Variants in ETHE1 observed in about 807,000 individuals in gnomAD.
ETHE1 encodes persulfide dioxygenase ETHE1, mitochondrial.
Under a neutral mutation model 25.7 loss-of-function variants are expected in ETHE1, and 16 were observed. The ratio of observed to expected loss-of-function variants is 0.62; its 90% CI spans 0.42 to 0.95. The LOEUF (loss-of-function observed/expected upper bound fraction) is 0.95, where lower values mean the gene tolerates loss of function less well. Ranked by LOEUF, ETHE1 falls within the 40% of genes least tolerant of loss-of-function variation. The pLI is 0.00. For missense variants in ETHE1, 300 were observed against 333.6 expected (o/e 0.90, Z 0.79); for synonymous variants, 139 against 135.9 (o/e 1.02, Z -0.16).
At chr19:43,514,273 T>G (rs1971977706) in intron 3 of ETHE1, among the ~76,000 whole-genome samples, 1 of 152,030 alleles carries the variant, frequency 6.6e-6, no homozygotes, top group African/African-American at 2.4e-5. Flanking sequence ...GTTTTTCCCA[T>G]GCTATTCTCA....
chr19:43,518,999 G>GGTTTTT (rs1972082728), intron 3 of ETHE1, among the ~76,000 whole-genome samples: 1 of 91,012 alleles, frequency 1.1e-5, no homozygotes, highest in African/African-American at 4.2e-5. Context: ...ATTTGTGCTT[G>GGTTTTT]TTTTTTTTTT....
At chr19:43,520,138 C>T (rs990596816) in intron 3 of ETHE1, among the ~76,000 whole-genome samples, 5 of 151,624 alleles carry the variant, frequency 3.3e-5, no homozygotes, top group African/African-American at 1.2e-4. Flanking sequence ...CACTTGAGGT[C>T]AGGAGTTCGA....
At chr19:43,508,137 C>G in intron 5 of ETHE1, 77 bp from the exon 6 acceptor site, 1 of 1,588,382 alleles carries the variant, frequency 6.3e-7, no homozygotes, top group South Asian at 1.1e-5. Context: ...CCCCAGGAGG[C>G]CTTGGGTGCC....
rs370471543 is a variant in ETHE1 at position 43,511,402 on chromosome 19, A to G, written c.505+35T>C. The stretch of plus-strand genomic sequence containing the variant: ...CAACACTTGACACACACGTAACTAT[A>G]TGAAGATCTTGGGCTGGATAAAGGA... On this transcript the variant is annotated intron_variant, in intron 4 of 6. Transcript: ENST00000292147. The G allele has an allele frequency of 9.9e-6, 16 of 1,613,896 alleles. 1 individual carries two copies. Among genetic ancestry groups the G allele is most frequent in the African/African-American group, 1.3e-5 (1 of 74,918 alleles).
chr19:43,519,319 G>C (rs777367240), intron 3 of ETHE1, among the ~76,000 whole-genome samples: 5 of 151,984 alleles, frequency 3.3e-5, no homozygotes, highest in Admixed American at 6.6e-5. Flanking sequence ...GCCTGTGCTT[G>C]TGTATTGTTA....
intron 4 of ETHE1, 22 bp from the exon 5 acceptor site, chr19:43,508,886 G>A (rs1234814631): frequency 6.4e-7 from 1 of 1,573,114 alleles, no homozygotes; most frequent in Admixed American, 1.8e-5. Flanking sequence ...AAGATCAGAG[G>A]TCAGTGGATC....
At chr19:43,513,715 T>C (rs901721529) in intron 3 of ETHE1, among the ~76,000 whole-genome samples, 1 of 149,858 alleles carries the variant, frequency 6.7e-6, no homozygotes, top group Non-Finnish European at 1.5e-5. Context: ...GACTTTATTT[T>C]GTTGTTGATT....
In ETHE1 at chr19:43,511,480, A is replaced by G. The variant is rs1417283956; in HGVS notation, c.462T>C (p.Asp154=). Residue 154 remains aspartate (D), a synonymous_variant, in exon 4 of 7, where the codon GAT becomes GAC. Coordinates refer to ENST00000292147, the MANE Select transcript of ETHE1 (RefSeq NM_014297.5). ...GCCCACACCCACGGATCAACAGGGC[A>G]TCTCCAGTGAAGGCCATGCTGTGGT... is the stretch of plus-strand genomic sequence containing the variant. ...LNDHSMAFTG[D]ALLIRGCGRT... The G allele has an allele frequency of 1.2e-6, 2 of 1,614,218 alleles. No homozygotes were observed. Among genetic ancestry groups the G allele is most frequent in the East Asian group, 2.2e-5 (1 of 44,874 alleles).
In ETHE1 at chr19:43,527,078, T is replaced by C; in HGVS notation, c.81+19A>G. 1 of 1,549,282 alleles carries C rather than the reference T, an allele frequency of 6.5e-7. No individual in the cohort carries two copies. The highest frequency in any genetic ancestry group is 8.7e-7 in the Non-Finnish European group (1 of 1,150,158). ...CGCCTAGTGCCCAGCAGTCCCCTCCTAGGTCCAGCCACCCGCACCTGCCGC... is the reference window on the plus strand; with the variant it reads ...CGCCTAGTGCCCAGCAGTCCCCTCCCAGGTCCAGCCACCCGCACCTGCCGC... On this transcript the variant is annotated intron_variant, in intron 1 of 6. Coordinates refer to ENST00000292147, the MANE Select transcript of ETHE1 (RefSeq NM_014297.5).
At chr19:43,525,242 T>C (rs907055498) in intron 3 of ETHE1, among the ~76,000 whole-genome samples, 1 of 152,104 alleles carries the variant, frequency 6.6e-6, no homozygotes, top group East Asian at 1.9e-4. Flanking sequence ...TTATGTACAA[T>C]GTACATACAT....
At chr19:43,511,192 G>GT (rs757198680) in intron 4 of ETHE1, among the ~76,000 whole-genome samples, 42 of 152,108 alleles carry the variant, frequency 2.8e-4, no homozygotes, top group Non-Finnish European at 6.0e-4. Flanking sequence ...CACAATAAAT[G>GT]TAATGCATTT....
chr19:43,515,571 ACT>A (rs1491251282), intron 3 of ETHE1, among the ~76,000 whole-genome samples: 3 of 149,460 alleles, frequency 2.0e-5, no homozygotes, highest in South Asian at 2.2e-4. Context: ...CCCTATAAAT[ACT>A]GTTTTGTTTT....
chr19:43,511,253 C>T (rs781634931), intron 4 of ETHE1, among the ~76,000 whole-genome samples, 184 bp downstream of exon 4: 8 of 152,180 alleles, frequency 5.3e-5, no homozygotes, highest in Non-Finnish European at 1.2e-4. Flanking sequence ...TTGTCTTCCA[C>T]GAAACCGGTC....
At chr19:43,519,013 T>G (rs879459584) in intron 3 of ETHE1, among the ~76,000 whole-genome samples, 5 of 101,668 alleles carry the variant, frequency 4.9e-5, no homozygotes, top group East Asian at 3.1e-4. Context: ...TTTTTTTTTT[T>G]TTTTTTTTTT....
At chr19:43,526,086 G>T in intron 3 of ETHE1, 115 bp downstream of exon 3, 1 of 1,520,040 alleles carries the variant, frequency 6.6e-7, no homozygotes, top group Non-Finnish European at 9.1e-7. Flanking sequence ...CAGAAACCCA[G>T]GTCCTGAGGT....
In ETHE1 at chr19:43,508,346, C is replaced by CTTTT. The variant is rs397933393; in HGVS notation, c.596-290_596-287dup. On this transcript the variant is annotated intron_variant, in intron 5 of 6. Transcript: ENST00000292147. ...CACAGCAGGCTCAAGCACTTTATCT[C>CTTTT]TTTTTTTTTTTTTTTTTTTGAGACA... is the stretch of plus-strand genomic sequence containing the variant. Among the ~76,000 whole-genome samples the CTTTT allele has an allele frequency of 0.051, 6,415 of 124,568 alleles. 368 individuals are homozygous for CTTTT. Among genetic ancestry groups the CTTTT allele is most frequent in the African/African-American group, 0.12 (4,078 of 32,790 alleles). 81.7% of individuals were successfully genotyped at this position (124,568 alleles called of 152,430 possible).
intron 1 of ETHE1, 189 bp from the exon 2 acceptor site, chr19:43,526,848 T>C (rs1251154303): frequency 6.8e-6 from 10 of 1,475,874 alleles, no homozygotes; most frequent in African/African-American, 1.4e-5. Flanking sequence ...TCCAACTTCC[T>C]AACATCCCAA....
At chr19:43,511,198 C>A (rs1971907952) in intron 4 of ETHE1, among the ~76,000 whole-genome samples, 1 of 152,056 alleles carries the variant, frequency 6.6e-6, no homozygotes, top group Non-Finnish European at 1.5e-5. Flanking sequence ...AAATGTAATG[C>A]ATTTGAATCC....
intron 3 of ETHE1, among the ~76,000 whole-genome samples, chr19:43,515,187 C>G (rs867039573): frequency 1.3e-5 from 2 of 152,094 alleles, no homozygotes; most frequent in East Asian, 1.9e-4. Flanking sequence ...GAGGCCGAGG[C>G]GGGCAAATCA....
Sources: allele counts gnomAD v4.1 joint callset (sites outside exome capture counted in the v4.1 genomes callset), GRCh38; gene constraint gnomAD v4.1.1; transcripts MANE v1.5; gene names NCBI Gene and HGNC (gene_info 2026-07-23, HGNC 2026-07-21).